Variants in BCOR observed in about 807,000 individuals in gnomAD.
The protein encoded by BCOR is BCL6 corepressor, also known as BCL-6 corepressor.
Under a neutral mutation model 86.7 loss-of-function variants are expected in BCOR, and 10 were observed. The ratio of observed to expected loss-of-function variants is 0.12; its 90% CI spans 0.07 to 0.20. The LOEUF (loss-of-function observed/expected upper bound fraction) is 0.20, where lower values mean the gene tolerates loss of function less well. Among genes scored for constraint, BCOR ranks in the 10% least tolerant of loss-of-function variants. The probability of loss-of-function intolerance (pLI) is 1.00; values close to 1 mark genes in which losing one functional copy is unlikely to be tolerated. For missense variants in BCOR, 1,259 were observed against 1,452.1 expected (o/e 0.87, Z 2.16); for synonymous variants, 611 against 609.0 (o/e 1.00, Z -0.05).
At chrX:40,052,538 C>T in intron 14 of BCOR, 138 bp from the exon 15 acceptor site, 1 of 459,600 alleles carries the variant, frequency 2.2e-6, no homozygotes. Flanking sequence ...TCTCACCATA[C>T]CTACTCTCTG....
At chrX:40,160,659 CTTTTT>C (rs145716696) in intron 1 of BCOR, among the ~76,000 whole-genome samples, 2 of 81,318 alleles carry the variant, frequency 2.5e-5, no homozygotes, top group Non-Finnish European at 4.8e-5. Flanking sequence ...TGATCCTCTA[CTTTTT>C]TTTTTTTTTT....
chrX:40,088,834 C>G (rs926704833), intron 1 of BCOR, among the ~76,000 whole-genome samples: 9 of 112,149 alleles, frequency 8.0e-5, no homozygotes, highest in Non-Finnish European at 1.3e-4. Flanking sequence ...GGTCTTGCCC[C>G]TCTAGGCACC....
At chrX:40,097,022 T>C (rs1347256431) in intron 1 of BCOR, among the ~76,000 whole-genome samples, 193 bp downstream of exon 1, 5 of 112,956 alleles carry the variant, frequency 4.4e-5, no homozygotes, top group African/African-American at 1.6e-4. Flanking sequence ...TTAGGTTGGC[T>C]GCATTTTAAA....
At chrX:40,175,233 C>T (rs967222921) in intron 1 of BCOR, among the ~76,000 whole-genome samples, 75 of 113,492 alleles carry the variant, frequency 6.6e-4, no homozygotes, top group African/African-American at 2.1e-3. Flanking sequence ...GCGAACTTAA[C>T]ACGGAGGCAA....
At chrX:40,077,443 T>C (rs1046063001) in intron 2 of BCOR, 1 of 181,764 alleles carries the variant, frequency 5.5e-6, no homozygotes, top group Non-Finnish European at 1.0e-5. Flanking sequence ...TGAGAGATCC[T>C]GGGCTTCAAT....
At chrX:40,143,603 T>C (rs887395819) in intron 1 of BCOR, among the ~76,000 whole-genome samples, 4 of 112,628 alleles carry the variant, frequency 3.6e-5, no homozygotes, top group African/African-American at 1.3e-4. Context: ...AACAAAAAAC[T>C]TTGGAGTAGG....
intron 2 of BCOR, chrX:40,077,111 G>A (rs1384075118): frequency 4.7e-6 from 1 of 213,362 alleles, no homozygotes; most frequent in Admixed American, 7.0e-5. Context: ...ATACACACTA[G>A]TATCATACAA....
intron 1 of BCOR, among the ~76,000 whole-genome samples, chrX:40,129,657 G>A (rs1937582632): frequency 9.1e-6 from 1 of 109,866 alleles, no homozygotes; most frequent in East Asian, 2.9e-4. Context: ...GAGGAGCTGC[G>A]GGGCCTTAGG....
At chrX:40,161,757 C>T (rs1938428462) in intron 1 of BCOR, among the ~76,000 whole-genome samples, 1 of 111,071 alleles carries the variant, frequency 9.0e-6, no homozygotes, top group South Asian at 3.8e-4. Context: ...TCGTGATCCG[C>T]CCGCCTCGGC....
At chrX:40,090,229 A>AAG (rs1936539952) in intron 1 of BCOR, among the ~76,000 whole-genome samples, 1 of 113,024 alleles carries the variant, frequency 8.8e-6, no homozygotes, top group Non-Finnish European at 1.9e-5. Flanking sequence ...ATGGCTCCGC[A>AAG]GTGCGACCGA....
chrX:40,076,403 CA>C (rs769054644), intron 3 of BCOR, 50 bp downstream of exon 3: 1 of 948,313 alleles, frequency 1.1e-6, no homozygotes, highest in Admixed American at 2.2e-5. Context: ...CGATTGATTA[CA>C]GATCACTGAT....
chrX:40,172,047 C>T (rs1938635140), intron 1 of BCOR, among the ~76,000 whole-genome samples: 1 of 112,841 alleles, frequency 8.9e-6, no homozygotes, highest in African/African-American at 3.2e-5. Context: ...GGCGTCTGCG[C>T]TGCCCAGCCC....
intron 1 of BCOR, among the ~76,000 whole-genome samples, chrX:40,133,366 G>C (rs1315927340): frequency 4.5e-5 from 5 of 110,770 alleles, no homozygotes; most frequent in African/African-American, 1.6e-4. Flanking sequence ...TCGAACTCCT[G>C]ACCTCGTGAT....
At chrX:40,139,701 C>T (rs1234353506) in intron 1 of BCOR, among the ~76,000 whole-genome samples, 1 of 100,561 alleles carries the variant, frequency 9.9e-6, no homozygotes, top group Non-Finnish European at 2.0e-5. Context: ...ATCCCAGCTA[C>T]TCGGAAGGCT....
chrX:40,162,629 G>T (rs745580647), intron 1 of BCOR, among the ~76,000 whole-genome samples: 1 of 111,838 alleles, frequency 8.9e-6, no homozygotes, highest in South Asian at 3.7e-4. Flanking sequence ...ATCTTCAGGA[G>T]GGGAGAGGAA....
At chrX:40,166,824 G>A (rs1569201707) in intron 1 of BCOR, among the ~76,000 whole-genome samples, 1 of 112,181 alleles carries the variant, frequency 8.9e-6, no homozygotes, top group Non-Finnish European at 1.9e-5. Context: ...CTTCCTCAGG[G>A]CAGAGCTGGC....
At chrX:40,121,591 T>C (rs1937487615) in intron 1 of BCOR, among the ~76,000 whole-genome samples, 2 of 113,079 alleles carry the variant, frequency 1.8e-5, no homozygotes, top group Non-Finnish European at 3.7e-5. Context: ...CTATGGGAGA[T>C]GGACCATAAA....
rs1254634271 is a variant in BCOR at position 40,097,565 on chromosome X, G to T, written c.-391C>A. Among the ~76,000 whole-genome samples the T allele has an allele frequency of 9.0e-6, 1 of 110,736 alleles. No homozygotes were observed. Among genetic ancestry groups the T allele is most frequent in the Non-Finnish European group, 1.9e-5 (1 of 52,333 alleles). On this transcript the variant is annotated 5_prime_UTR_variant, in exon 1 of 15. Coordinates refer to ENST00000378444, the MANE Select transcript of BCOR (RefSeq NM_001123385.2). ...GGGGCGGGGCGGGCTCGGGGCCTCC[G>T]GGCAGGTGGCGACAGCCCCGTGCGA... is the stretch of plus-strand genomic sequence containing the variant.
At chrX:40,158,146 C>T (rs1199642160) in intron 1 of BCOR, among the ~76,000 whole-genome samples, 3 of 112,389 alleles carry the variant, frequency 2.7e-5, no homozygotes, top group Non-Finnish European at 3.8e-5. Flanking sequence ...CGTCCCGATC[C>T]CAGCCGGGGC....
Sources: allele counts gnomAD v4.1 joint callset (sites outside exome capture counted in the v4.1 genomes callset), GRCh38; gene constraint gnomAD v4.1.1; transcripts MANE v1.5; gene names NCBI Gene and HGNC (gene_info 2026-07-23, HGNC 2026-07-21).